Variants in RFC3 observed in about 807,000 individuals in gnomAD.
The protein encoded by RFC3 is A1 38 kDa subunit.
In RFC3, 41 loss-of-function variants were observed where a neutral mutation model predicts 45.1. The observed-to-expected ratio is 0.91, with a 90% CI of 0.71 to 1.18. The LOEUF is 1.18. Among genes scored for constraint, RFC3 ranks in the 50% most tolerant of loss-of-function variants. The probability of loss-of-function intolerance (pLI) is 0.00; values close to 1 mark genes in which losing one functional copy is unlikely to be tolerated. For synonymous variants in RFC3, 149 were observed against 144.0 expected (o/e 1.03, Z -0.25); for missense variants, 423 against 428.1 (o/e 0.99, Z 0.10).
At chr13:33,910,197 A>G (rs891122457) in intron 8 of RFC3, among the ~76,000 whole-genome samples, 1 of 152,096 alleles carries the variant, frequency 6.6e-6, no homozygotes, top group African/African-American at 2.4e-5. Flanking sequence ...CTGGGCATGT[A>G]TTAGTAAATA....
At chr13:33,956,665 A>G (rs1050279237) in intron 8 of RFC3, among the ~76,000 whole-genome samples, 1 of 152,186 alleles carries the variant, frequency 6.6e-6, no homozygotes, top group African/African-American at 2.4e-5. Context: ...GTGGAGTCCC[A>G]GGAGGCTCTT....
intron 8 of RFC3, among the ~76,000 whole-genome samples, chr13:33,941,877 A>G (rs1593708273): frequency 6.6e-6 from 1 of 152,038 alleles, no homozygotes; most frequent in African/African-American, 2.4e-5. Flanking sequence ...GATCATGTGT[A>G]TTTTAGAATT....
chr13:33,855,297 C>T (rs2082301887), intron 8 of RFC3, among the ~76,000 whole-genome samples: 1 of 152,100 alleles, frequency 6.6e-6, no homozygotes, highest in Admixed American at 6.6e-5. Flanking sequence ...ACACAGGAAA[C>T]ATAGATGGAT....
intron 8 of RFC3, among the ~76,000 whole-genome samples, chr13:33,953,324 TA>T (rs11342304): frequency 0.89 from 94,379 of 105,462 alleles, 42,243 homozygotes; most frequent in South Asian, 0.96. Flanking sequence ...TGTTGCTCTT[TA>T]AAAAAAAAAA....
intron 8 of RFC3, among the ~76,000 whole-genome samples, chr13:33,914,992 C>T (rs1468171840): frequency 6.6e-6 from 1 of 152,084 alleles, no homozygotes; most frequent in Admixed American, 6.6e-5. Flanking sequence ...TAAATGTGAA[C>T]ACCACAAAGA....
At chr13:33,974,984 T>C in the RFC3 span, among the ~76,000 whole-genome samples, 1 of 152,176 alleles carries the variant, frequency 6.6e-6, no homozygotes, top group East Asian at 1.9e-4. Flanking sequence ...TGGAACACAG[T>C]TTGGAAGTTT....
At chr13:33,968,039 A>G (rs556920352), downstream of RFC3, among the ~76,000 whole-genome samples, 1 of 152,334 alleles carries the variant, frequency 6.6e-6, no homozygotes, top group African/African-American at 2.4e-5. Flanking sequence ...ATTGTCACCC[A>G]TGAAGGGTTA....
At chr13:33,910,523 A>C (rs1566025003) in intron 8 of RFC3, among the ~76,000 whole-genome samples, 1 of 152,120 alleles carries the variant, frequency 6.6e-6, no homozygotes. Context: ...GCAGGGAAGC[A>C]CTTGGCCCAG....
At chr13:33,910,265 C>T (rs1039772386) in intron 8 of RFC3, among the ~76,000 whole-genome samples, 1 of 152,000 alleles carries the variant, frequency 6.6e-6, no homozygotes, top group Non-Finnish European at 1.5e-5. Flanking sequence ...AATTTGGACT[C>T]TGAAATTGGA....
At chr13:33,944,568 T>TAA (rs2082943865) in intron 8 of RFC3, among the ~76,000 whole-genome samples, 1 of 152,088 alleles carries the variant, frequency 6.6e-6, no homozygotes, top group South Asian at 2.1e-4. Flanking sequence ...CTGCTTGTTT[T>TAA]AAACACGGGA....
intron 5 of RFC3, among the ~76,000 whole-genome samples, chr13:33,830,442 TA>T (rs1483672354): frequency 6.6e-6 from 1 of 152,212 alleles, no homozygotes; most frequent in African/African-American, 2.4e-5. Flanking sequence ...TACATAGATA[TA>T]TTTTTTTCTC....
chr13:33,942,513 C>T (rs1459223656), intron 8 of RFC3, among the ~76,000 whole-genome samples: 1 of 152,098 alleles, frequency 6.6e-6, no homozygotes, highest in African/African-American at 2.4e-5. Flanking sequence ...ACATTATGCA[C>T]TTAGAGTTTC....
At chr13:33,927,763 A>G (rs1168876021) in intron 8 of RFC3, among the ~76,000 whole-genome samples, 1 of 152,034 alleles carries the variant, frequency 6.6e-6, no homozygotes, top group African/African-American at 2.4e-5. Context: ...GGAACTGGAG[A>G]GGCCTGGTGT....
At chr13:33,921,012 A>G (rs1055998860) in intron 8 of RFC3, among the ~76,000 whole-genome samples, 7 of 152,158 alleles carry the variant, frequency 4.6e-5, no homozygotes, top group Non-Finnish European at 7.4e-5. Flanking sequence ...TTGTTTGCAT[A>G]TATTCATCCC....
At chr13:33,890,059 C>T (rs920380473) in intron 8 of RFC3, among the ~76,000 whole-genome samples, 6 of 152,164 alleles carry the variant, frequency 3.9e-5, no homozygotes, top group Middle Eastern at 3.4e-3. Context: ...TCTGTTAGTA[C>T]GTTGGTGATG....
intron 8 of RFC3, among the ~76,000 whole-genome samples, chr13:33,887,037 T>A (rs200646422): frequency 9.7e-5 from 14 of 145,070 alleles, no homozygotes; most frequent in African/African-American, 3.5e-4. Context: ...TCTATCATTG[T>A]TGGACATTTG....
At chr13:33,886,065 T>A (rs1433937199) in intron 8 of RFC3, among the ~76,000 whole-genome samples, 1 of 151,912 alleles carries the variant, frequency 6.6e-6, no homozygotes, top group African/African-American at 2.4e-5. Context: ...TCTTCTCAAC[T>A]GCCTGACTCT....
intron 8 of RFC3, among the ~76,000 whole-genome samples, chr13:33,896,110 A>G (rs2082596402): frequency 6.6e-6 from 1 of 152,000 alleles, no homozygotes; most frequent in Admixed American, 6.6e-5. Flanking sequence ...GCCACTGTAC[A>G]ATTTGTTTGC....
intron 3 of RFC3, among the ~76,000 whole-genome samples, chr13:33,825,224 A>G (rs901815800): frequency 1.3e-5 from 2 of 152,190 alleles, no homozygotes; most frequent in African/African-American, 2.4e-5. Flanking sequence ...CTCAATACCT[A>G]TAATAAGTCA....
Sources: gnomAD v4.1 joint callset for allele counts (sites outside exome capture counted in the v4.1 genomes callset) on GRCh38, gnomAD v4.1.1 for gene constraint, MANE v1.5 for transcripts, NCBI Gene and HGNC (gene_info 2026-07-23, HGNC 2026-07-21) for gene names.